Variants in GSK3B observed in about 807,000 individuals in gnomAD.
GSK3B encodes glycogen synthase kinase 3 beta.
GSK3B carries 15 observed loss-of-function variants against 56.4 expected under a neutral mutation model. The observed-to-expected ratio is 0.27, with a 90% CI of 0.18 to 0.41. The LOEUF is 0.41. GSK3B is among the 10% of genes least tolerant of loss of function. The probability of loss-of-function intolerance (pLI) is 1.00; values close to 1 mark genes in which losing one functional copy is unlikely to be tolerated. For synonymous variants in GSK3B, 181 were observed against 188.9 expected, an observed-to-expected ratio of 0.96 and a Z score of 0.34; for missense variants, 300 against 513.4, an observed-to-expected ratio of 0.58 and a Z score of 4.02.
chr3:120,084,330 A>T (rs1035003913), intron 1 of GSK3B, among the ~76,000 whole-genome samples: 5 of 152,190 alleles, frequency 3.3e-5, no homozygotes, highest in Non-Finnish European at 7.4e-5. Context: ...ATAAGACAAA[A>T]AAATTAATTT....
intron 2 of GSK3B, among the ~76,000 whole-genome samples, chr3:119,992,033 A>G (rs893556879): frequency 6.6e-6 from 1 of 152,106 alleles, no homozygotes; most frequent in Non-Finnish European, 1.5e-5. Context: ...GCTCACAAAT[A>G]TATCAGTTCT....
intron 3 of GSK3B, among the ~76,000 whole-genome samples, chr3:119,928,604 CAAAAAAAT>C (rs2056910766): frequency 3.5e-5 from 1 of 28,640 alleles, no homozygotes; most frequent in Admixed American, 3.9e-4. Flanking sequence ...GACTCCATAT[CAAAAAAAT>C]AAAAAAAAAA....
intron 1 of GSK3B, among the ~76,000 whole-genome samples, chr3:120,010,093 C>T (rs1291654611): frequency 6.6e-6 from 1 of 152,156 alleles, no homozygotes; most frequent in Non-Finnish European, 1.5e-5. Flanking sequence ...ATTATATATG[C>T]TTTAAATGCA....
intron 4 of GSK3B, 109 bp from the exon 5 acceptor site, chr3:119,916,283 A>G: frequency 1.2e-6 from 1 of 844,056 alleles, no homozygotes; most frequent in Non-Finnish European, 1.8e-6. Flanking sequence ...GTGAAATGCT[A>G]TGGATTACTG....
chr3:119,844,024 C>G (rs2055818575), intron 9 of GSK3B, among the ~76,000 whole-genome samples: 1 of 152,152 alleles, frequency 6.6e-6, no homozygotes, highest in Non-Finnish European at 1.5e-5. Flanking sequence ...GAAACTCACT[C>G]AAAACCGCAC....
intron 7 of GSK3B, among the ~76,000 whole-genome samples, chr3:119,892,849 T>C (rs1240126768): frequency 6.6e-6 from 1 of 152,168 alleles, no homozygotes; most frequent in Non-Finnish European, 1.5e-5. Context: ...TTGTGTTAGA[T>C]TGGCTGCTAT....
Position 119,826,303 on chromosome 3 carries a change from C to A in GSK3B, c.*485G>T. ...TAATTTTACAAGTGACATTTAAGTC[C>A]CCGTTGAGTTATACCTGCTAAGCTC... is the stretch of plus-strand genomic sequence containing the variant. On this transcript the variant is annotated 3_prime_UTR_variant, in exon 11 of 11. Coordinates refer to ENST00000264235, the MANE Select transcript of GSK3B (RefSeq NM_001146156.2). The A allele has an allele frequency of 3.5e-6, 1 of 286,932 alleles. No individual in the cohort carries two copies. Among genetic ancestry groups the A allele is most frequent in the South Asian group, 6.6e-5 (1 of 15,264 alleles). 17.8% of individuals were successfully genotyped at this position (286,932 alleles called of 1,614,324 possible). A position where few individuals can be genotyped will look rare whatever the true frequency, so the allele number is the denominator to read the frequency against.
intron 1 of GSK3B, among the ~76,000 whole-genome samples, chr3:120,024,668 A>G (rs941056313): frequency 1.3e-5 from 2 of 152,220 alleles, no homozygotes; most frequent in South Asian, 2.1e-4. Flanking sequence ...GCTGCATTAG[A>G]TAATAACTGA....
chr3:120,014,325 TAAAC>T (rs1350658113), intron 1 of GSK3B, among the ~76,000 whole-genome samples: 3 of 151,868 alleles, frequency 2.0e-5, no homozygotes, highest in African/African-American at 4.8e-5. Context: ...CTCCCCAAAA[TAAAC>T]AAACTGCTAG....
chr3:119,913,735 G>A (rs1430619635), intron 5 of GSK3B, among the ~76,000 whole-genome samples: 2 of 151,646 alleles, frequency 1.3e-5, no homozygotes, highest in African/African-American at 4.8e-5. Context: ...TCAATGACTG[G>A]GATTTCTTTT....
intron 1 of GSK3B, among the ~76,000 whole-genome samples, chr3:120,059,004 T>TG (rs988634901): frequency 2.1e-5 from 3 of 145,772 alleles, no homozygotes; most frequent in Admixed American, 6.8e-5. Context: ...AGCAAGACTC[T>TG]GTCTCAAAAA....
At chr3:119,915,965 C>A (rs2056776034) in intron 5 of GSK3B, 79 bp downstream of exon 5, 2 of 978,142 alleles carry the variant, frequency 2.0e-6, no homozygotes, top group Admixed American at 2.3e-5. Flanking sequence ...GCTGATATTG[C>A]AAAAGGAATA....
chr3:119,895,099 T>G (rs1349598473), intron 7 of GSK3B, among the ~76,000 whole-genome samples: 2 of 152,142 alleles, frequency 1.3e-5, no homozygotes, highest in Non-Finnish European at 2.9e-5. Context: ...CTCTCCACCT[T>G]CTGGTAAACA....
chr3:119,891,218 T>C (rs908639833), intron 7 of GSK3B, among the ~76,000 whole-genome samples: 1 of 151,556 alleles, frequency 6.6e-6, no homozygotes, highest in African/African-American at 2.4e-5. Context: ...GTACATTCTA[T>C]GCACACTAGA....
chr3:120,055,304 C>T (rs189663246), intron 1 of GSK3B, among the ~76,000 whole-genome samples: 45 of 152,236 alleles, frequency 3.0e-4, no homozygotes, highest in Admixed American at 2.0e-3. Context: ...AATTTATTAA[C>T]AATGGTGCAG....
At chr3:119,899,967 A>T (rs1266985011) in intron 7 of GSK3B, among the ~76,000 whole-genome samples, 1 of 152,068 alleles carries the variant, frequency 6.6e-6, no homozygotes, top group Admixed American at 6.6e-5. Flanking sequence ...TGTACTTTCA[A>T]ATTTCTTACA....
At chr3:119,968,615 TA>T in intron 2 of GSK3B, among the ~76,000 whole-genome samples, 1 of 152,186 alleles carries the variant, frequency 6.6e-6, no homozygotes, top group East Asian at 1.9e-4. Flanking sequence ...TTCAGCTTGA[TA>T]AAGTACAATA....
intron 1 of GSK3B, among the ~76,000 whole-genome samples, chr3:120,090,533 GA>G (rs2107587349): frequency 6.6e-6 from 1 of 152,218 alleles, no homozygotes; most frequent in Non-Finnish European, 1.5e-5. Flanking sequence ...AGTAACATCA[GA>G]ATTTATTTTT....
chr3:119,857,073 A>T (rs898376550), intron 9 of GSK3B, among the ~76,000 whole-genome samples: 1 of 152,214 alleles, frequency 6.6e-6, no homozygotes, highest in Non-Finnish European at 1.5e-5. Context: ...ATTTAAAAAT[A>T]CTTTATCACT....
Sources: gnomAD v4.1 joint callset for allele counts (sites outside exome capture counted in the v4.1 genomes callset) on GRCh38, gnomAD v4.1.1 for gene constraint, MANE v1.5 for transcripts, NCBI Gene and HGNC (gene_info 2026-07-23, HGNC 2026-07-21) for gene names.